The following IGFL2 variants were observed in gnomAD, a reference collection of about 807,000 sequenced individuals.
IGFL2 encodes the protein insulin growth factor-like family member 2.
In IGFL2, 7 loss-of-function variants were observed where a neutral mutation model predicts 13.9. That is an observed-to-expected ratio of 0.51 (90% CI 0.29 to 0.95). IGFL2 has a LOEUF of 0.95. Ranked by LOEUF, IGFL2 falls within the 40% of genes least tolerant of loss-of-function variation. The pLI is 0.08. For synonymous variants in IGFL2, 55 were observed against 55.8 expected, an observed-to-expected ratio of 0.99 and a Z score of 0.07; for missense variants, 138 against 147.8, an observed-to-expected ratio of 0.93 and a Z score of 0.34.
the IGFL2 span, chr19:46,195,708 ACCTCTGGAG>A: frequency 7.2e-5 from 11 of 152,108 alleles, no homozygotes; most frequent in African/African-American, 2.7e-4. Context: ...CACTGTGGGC[ACCTCTGGAG>A]CTGACTGGGG....
chr19:46,103,397 G>T, the IGFL2 span, among the ~76,000 whole-genome samples: 5 of 152,274 alleles, frequency 3.3e-5, no homozygotes, highest in Middle Eastern at 3.4e-3. Flanking sequence ...GGAGGTAGCT[G>T]GGGAGAGGTA....
chr19:46,130,612 G>A, the IGFL2 span, among the ~76,000 whole-genome samples: 2 of 152,120 alleles, frequency 1.3e-5, no homozygotes, highest in African/African-American at 4.8e-5. Context: ...GCAAAAAGAG[G>A]AATTTATTAT....
At chr19:46,082,577 G>C in the IGFL2 span, among the ~76,000 whole-genome samples, 1 of 152,022 alleles carries the variant, frequency 6.6e-6, no homozygotes, top group Non-Finnish European at 1.5e-5. Context: ...CCCTGTAAGA[G>C]AGAGGGTAGA....
At chr19:46,134,989 G>A in the IGFL2 span, among the ~76,000 whole-genome samples, 116 of 152,232 alleles carry the variant, frequency 7.6e-4, no homozygotes, top group African/African-American at 2.7e-3. Flanking sequence ...GCATCATTGG[G>A]CATCCTGATT....
chr19:46,168,854 T>C, the IGFL2 span, among the ~76,000 whole-genome samples: 1 of 69,888 alleles, frequency 1.4e-5, no homozygotes, highest in African/African-American at 7.2e-5. Flanking sequence ...TTTTTTTCCC[T>C]GTTTTTTTCT....
the IGFL2 span, among the ~76,000 whole-genome samples, chr19:46,178,590 C>T: frequency 4.6e-5 from 7 of 152,300 alleles, no homozygotes; most frequent in East Asian, 1.3e-3. Flanking sequence ...CATCTATTCT[C>T]TCTGAAGCCT....
the IGFL2 span, among the ~76,000 whole-genome samples, chr19:46,083,555 G>T: frequency 6.6e-6 from 1 of 152,170 alleles, no homozygotes; most frequent in Admixed American, 6.5e-5. Flanking sequence ...AACCATGGCT[G>T]TATAATCTCT....
At chr19:46,214,498 AAC>A in the IGFL2 span, 1 of 152,238 alleles carries the variant, frequency 6.6e-6, no homozygotes. Flanking sequence ...GAGGATGAAG[AAC>A]AGTCACTGAG....
At chr19:46,178,370 C>T in the IGFL2 span, among the ~76,000 whole-genome samples, 1 of 152,184 alleles carries the variant, frequency 6.6e-6, no homozygotes, top group Non-Finnish European at 1.5e-5. Context: ...TATAACATCA[C>T]ACTACAGATA....
chr19:46,148,808 A>T, intron 1 of IGFL2: 1 of 1,445,768 alleles, frequency 6.9e-7, no homozygotes, highest in Non-Finnish European at 9.1e-7. Context: ...CCAGCTCATC[A>T]GCTCTGACTC....
At chr19:46,109,922 ACATG>A in the IGFL2 span, among the ~76,000 whole-genome samples, 2,017 of 152,322 alleles carry the variant, frequency 0.013, 31 homozygotes, top group Middle Eastern at 0.027. Flanking sequence ...CTGGATGTAT[ACATG>A]CGGGTCACAG....
At chr19:46,179,901 G>A in the IGFL2 span, among the ~76,000 whole-genome samples, 1 of 152,068 alleles carries the variant, frequency 6.6e-6, no homozygotes, top group Admixed American at 6.5e-5. Context: ...GGGCGACAGA[G>A]TGAGACTCTG....
chr19:46,084,421 C>G, the IGFL2 span, among the ~76,000 whole-genome samples: 6 of 152,304 alleles, frequency 3.9e-5, no homozygotes, highest in East Asian at 7.7e-4. Flanking sequence ...CTGCATTGCT[C>G]TCTCTCTTTA....
chr19:46,175,831 G>A, the IGFL2 span, among the ~76,000 whole-genome samples: 3 of 139,994 alleles, frequency 2.1e-5, no homozygotes, highest in Non-Finnish European at 3.0e-5. Flanking sequence ...ATGAGCCACC[G>A]TGCCTGGCAC....
At chr19:46,118,220 T>C in the IGFL2 span, among the ~76,000 whole-genome samples, 1 of 152,152 alleles carries the variant, frequency 6.6e-6, no homozygotes, top group Non-Finnish European at 1.5e-5. Context: ...GAATAGACTT[T>C]GGAGATGAAT....
chr19:46,189,430 C>T, the IGFL2 span, among the ~76,000 whole-genome samples: 4 of 152,258 alleles, frequency 2.6e-5, no homozygotes, highest in Admixed American at 6.5e-5. Flanking sequence ...GCAGGCCTGA[C>T]GGATGTCAGG....
the IGFL2 span, among the ~76,000 whole-genome samples, chr19:46,106,358 C>A: frequency 6.6e-6 from 1 of 151,902 alleles, no homozygotes; most frequent in African/African-American, 2.4e-5. Context: ...AGCAGATGGA[C>A]AGAAAGAAAG....
At chr19:46,205,676 T>C in the IGFL2 span, among the ~76,000 whole-genome samples, 1 of 152,190 alleles carries the variant, frequency 6.6e-6, no homozygotes, top group Non-Finnish European at 1.5e-5. Context: ...AACCCACTTC[T>C]TGTGTCCATG....
At chr19:46,183,420 T>A in the IGFL2 span, among the ~76,000 whole-genome samples, 2 of 151,322 alleles carry the variant, frequency 1.3e-5, no homozygotes, top group South Asian at 4.2e-4. Flanking sequence ...ATTTCTTCCC[T>A]CCCAGCCACT....
Sources: allele counts gnomAD v4.1 joint callset (sites outside exome capture counted in the v4.1 genomes callset), GRCh38; gene constraint gnomAD v4.1.1; transcripts MANE v1.5; gene names NCBI Gene and HGNC (gene_info 2026-07-23, HGNC 2026-07-21).